PAOX: variants seen among roughly 807,000 people sequenced by gnomAD.
The protein encoded by PAOX is peroxisomal N(1)-acetyl-spermine/spermidine oxidase.
A neutral mutation model predicts 39.0 loss-of-function variants in PAOX; 38 were observed. The observed-to-expected ratio is 0.97, with a 90% CI of 0.75 to 1.28. The LOEUF (loss-of-function observed/expected upper bound fraction) is 1.28. PAOX is among the 50% of genes most tolerant of loss of function. The pLI is 0.00. For synonymous variants in PAOX, 311 were observed against 314.4 expected, an observed-to-expected ratio of 0.99 and a Z score of 0.11; for missense variants, 667 against 685.7, an observed-to-expected ratio of 0.97 and a Z score of 0.30.
intron 3 of PAOX, 97 bp from the exon 4 acceptor site, chr10:133,383,863 C>T: frequency 6.9e-7 from 1 of 1,438,908 alleles, no homozygotes; most frequent in Non-Finnish European, 9.4e-7. Context: ...GTAGGATAAA[C>T]ACCAGCAGGG....
rs1849487212 is a variant in PAOX, at chr10:133,384,656, T to G, written c.1121+444T>G. Among the ~76,000 whole-genome samples the G allele has an allele frequency of 6.6e-6, 1 of 152,216 alleles. No homozygotes were observed. Among genetic ancestry groups the G allele is most frequent in the South Asian group, 2.1e-4 (1 of 4,830 alleles). ...CCCACAGAGGAAGGGCTCCCTTGTA[T>G]GGGCTGGCCCTCTTAGAAACAGCAT... On this transcript the variant is annotated intron_variant, in intron 4 of 6. Transcript: ENST00000278060. This position sits in a 1 kb window ranked among gnomAD's most constrained non-coding sequence, Gnocchi z 4.3.
At chr10:133,379,931 A>T (rs1433229278) in intron 1 of PAOX, 68 bp from the exon 2 acceptor site, 1 of 1,495,072 alleles carries the variant, frequency 6.7e-7, no homozygotes, top group African/African-American at 1.4e-5. Flanking sequence ...GGCGTGGCCC[A>T]GGAGAAGGGC....
rs1366743893 is a variant in PAOX, at chr10:133,391,209, T to C, written c.1393-103T>C. 13 of 1,211,146 alleles carry C rather than the reference T, an allele frequency of 1.1e-5. No homozygotes were observed. In the East Asian group the frequency reaches 2.3e-4, roughly 22 times the overall value. 75.0% of individuals were successfully genotyped at this position (1,211,146 alleles called of 1,614,324 possible). On this transcript the variant is annotated intron_variant, in intron 6 of 6. Transcript: ENST00000278060. ...GTTGGTGGAGGTGTGTGAGCTGTTTTCCTGCTTCTTGGTGGATGCTTGTGA... is the reference window on the plus strand; with the variant it reads ...GTTGGTGGAGGTGTGTGAGCTGTTTCCCTGCTTCTTGGTGGATGCTTGTGA...
intron 5 of PAOX, 39 bp downstream of exon 5, chr10:133,389,107 C>A: frequency 3.4e-6 from 5 of 1,468,152 alleles, no homozygotes; most frequent in South Asian, 1.1e-5. Context: ...TGCCTCTGCT[C>A]GTTACTGGTT....
chr10:133,388,618 C>T (rs934890551), intron 4 of PAOX, among the ~76,000 whole-genome samples: 1 of 152,222 alleles, frequency 6.6e-6, no homozygotes, highest in Non-Finnish European at 1.5e-5. Flanking sequence ...GTGGAAACAG[C>T]AAATGCTGTC....
At chr10:133,388,690 C>T (rs905543085) in intron 4 of PAOX, among the ~76,000 whole-genome samples, 1 of 152,240 alleles carries the variant, frequency 6.6e-6, no homozygotes, top group Non-Finnish European at 1.5e-5. Context: ...ACCCCCAGGA[C>T]TTTGCCGCCC....
chr10:133,383,975 A>G lies in PAOX; in HGVS notation c.884A>G (p.His295Arg), dbSNP rs968368295. The G allele has an allele frequency of 1.2e-6, 2 of 1,613,932 alleles. No individual in the cohort carries two copies. The highest frequency in any genetic ancestry group is 1.7e-6 in the Non-Finnish European group (2 of 1,179,854). The change falls in exon 4 of 7, where the codon CAT (histidine) becomes CGT (arginine). Residue 295 changes from histidine (H) to arginine (R), a missense_variant. Coordinates refer to ENST00000278060, the MANE Select transcript of PAOX (RefSeq NM_152911.4). Reference protein sequence around the residue: ...VTVPLGFLREHLDTFFDPPLP... With the variant: ...VTVPLGFLRERLDTFFDPPLP... ...TGAATTCCAGGTTTTCTTAGGGAAC[A>G]TTTGGACACCTTCTTTGACCCTCCC...
rs181475041 is a variant in PAOX, at chr10:133,389,075, A to G, written c.1234+7A>G. The G allele has an allele frequency of 6.3e-7, 1 of 1,592,746 alleles. No homozygotes were observed. The highest frequency in any genetic ancestry group is 1.1e-5 in the South Asian group (1 of 90,654). ...GTGCTCCGGAGAGTGACAGGTAGGT[A>G]CTCACCACACACGCTGGTTCCTGCC... is the stretch of plus-strand genomic sequence containing the variant. On this transcript the variant is annotated splice_region_variant and intron_variant, in intron 5 of 6. Coordinates refer to ENST00000278060, the MANE Select transcript of PAOX (RefSeq NM_152911.4).
At chr10:133,382,316 G>C (rs2185744) in intron 3 of PAOX, among the ~76,000 whole-genome samples, 127,051 of 151,796 alleles carry the variant, frequency 0.84, 54,590 homozygotes, top group East Asian at 0.97. Flanking sequence ...GCTAGCGATT[G>C]CCAGCACTCA....
intron 4 of PAOX, among the ~76,000 whole-genome samples, chr10:133,385,272 G>A (rs1849500339): frequency 6.6e-6 from 1 of 152,036 alleles, no homozygotes; most frequent in African/African-American, 2.4e-5. Flanking sequence ...CTCCAGCCTT[G>A]GCAACAAGAG....
chr10:133,389,783 C>T (rs368969711), intron 6 of PAOX, 36 bp downstream of exon 6: 214 of 1,427,728 alleles, frequency 1.5e-4, no homozygotes, highest in Admixed American at 2.6e-4. Context: ...GCGTGGGTCC[C>T]GCTGCAGAGG....
rs1041251892 is a variant in PAOX, at chr10:133,380,474, C to A, written c.657C>A (p.Cys219Ter). The change falls in exon 2 of 7, where the codon TGC (cysteine) becomes TGA (stop). Residue 219 changes from cysteine to a stop codon, truncating the protein, a stop_gained. Coordinates refer to ENST00000278060, the MANE Select transcript of PAOX (RefSeq NM_152911.4). LOFTEE classifies it high-confidence loss of function. ...GEYTVLPGLD[C>*]TFSKGYQGLT... ...ATACCGTGCTGCCGGGGCTGGACTG[C>A]ACCTTTTCTAAGTGCGTGCCTGAGC... is the stretch of plus-strand genomic sequence containing the variant. 4 of 1,607,276 alleles carry A rather than the reference C, an allele frequency of 2.5e-6. No homozygotes were observed. Among genetic ancestry groups the A allele is most frequent in the Non-Finnish European group, 3.4e-6 (4 of 1,178,846 alleles).
rs1849311503 is a variant in PAOX at position 133,380,021 on chromosome 10, G to C, written c.204G>C (p.Ala68=). 1 of 1,515,634 alleles carries C rather than the reference G, an allele frequency of 6.6e-7. No homozygotes were observed. Among genetic ancestry groups the C allele is most frequent in the South Asian group, 1.3e-5 (1 of 75,402 alleles). 93.9% of individuals were successfully genotyped at this position (1,515,634 alleles called of 1,614,324 possible). The change falls in exon 2 of 7, where the codon GCG becomes GCC. Residue 68 remains alanine, a synonymous_variant. Coordinates refer to ENST00000278060, the MANE Select transcript of PAOX (RefSeq NM_152911.4). ...CAGGTGGCGTGGTGGAGGTGGGCGC[G>C]CACTGGATCCATGGGCCCTCCCGGG... ...RCFGGVVEVG[A]HWIHGPSRGN... is the part of the protein sequence containing the mutation.
rs557064612 is a variant in PAOX at position 133,384,561 on chromosome 10, G to T, written c.1121+349G>T. Among the ~76,000 whole-genome samples, 2 of 152,188 alleles carry T rather than the reference G, an allele frequency of 1.3e-5. No individual in the cohort carries two copies. The highest frequency in any genetic ancestry group is 6.5e-5 in the Admixed American group (1 of 15,278). Reference sequence around the variant, plus strand: ...ACTTTGAAACACCATCTGCCCATACGTGGGGAGACAATACTTAAATGGGAT... The same window carrying T: ...ACTTTGAAACACCATCTGCCCATACTTGGGGAGACAATACTTAAATGGGAT... On this transcript the variant is annotated intron_variant, in intron 4 of 6. Coordinates refer to ENST00000278060, the MANE Select transcript of PAOX (RefSeq NM_152911.4). This position sits in a 1 kb window ranked among gnomAD's most constrained non-coding sequence, Gnocchi z 4.3.
At chr10:133,380,633 A>T in intron 2 of PAOX, 148 bp downstream of exon 2, 1 of 1,217,112 alleles carries the variant, frequency 8.2e-7, no homozygotes, top group South Asian at 1.6e-5. Flanking sequence ...TCCTTTCCCT[A>T]GTTTTGCTCA....
Position 133,384,287 on chromosome 10 carries a change from G to A in PAOX, c.1121+75G>A. 1.9e-6 allele frequency: 3 copies of A among 1,562,386 alleles called. No homozygotes were observed. The highest frequency in any genetic ancestry group is 2.6e-6 in the Non-Finnish European group (3 of 1,148,382). On this transcript the variant is annotated intron_variant, in intron 4 of 6. Transcript: ENST00000278060. The surrounding 1 kb of genome is among the most constrained non-coding windows in gnomAD (Gnocchi z 4.3). ...CATCTGATGGAGGACGCAGCAGTGT[G>A]TCTGTTCACTGCAGGGTATTTCTAG... is the stretch of plus-strand genomic sequence containing the variant.
intron 4 of PAOX, among the ~76,000 whole-genome samples, chr10:133,385,208 A>G (rs1849499214): frequency 6.6e-6 from 1 of 152,148 alleles, no homozygotes; most frequent in African/African-American, 2.4e-5. Flanking sequence ...AGGCAGGACA[A>G]TCGCTTGAAC....
At chr10:133,385,932 T>A (rs961028565) in intron 4 of PAOX, among the ~76,000 whole-genome samples, 3 of 152,142 alleles carry the variant, frequency 2.0e-5, no homozygotes, top group African/African-American at 7.2e-5. Context: ...ACAAACCTAT[T>A]CTATGTTAGC....
rs1035808162 is a variant in PAOX, at chr10:133,379,473, C to T, written c.157C>T (p.Arg53Cys). The change falls in exon 1 of 7, where the codon CGC becomes TGC. Residue 53 changes from arginine (R) to cysteine (C), a missense_variant. Physicochemically the swap from Arg to Cys is radical, Grantham distance 180 (BLOSUM62 -3). Transcript: ENST00000278060. ...GGAGGCCACGGCCCGCGCCGGGGGC[C>T]GCATCCGCTCGGAGCGCTGCTTCGG... ...VLEATARAGG[R>C]IRSERCFGGV... is the part of the protein sequence containing the mutation. 2 of 1,225,530 alleles carry T rather than the reference C, an allele frequency of 1.6e-6. No homozygotes were observed. Among genetic ancestry groups the T allele is most frequent in the African/African-American group, 1.6e-5 (1 of 64,000 alleles). The allele number at this position is 1,225,530 out of a possible 1,614,324, so 75.9% of individuals were successfully genotyped here. A position where few individuals can be genotyped will look rare whatever the true frequency, so the allele number is the denominator to read the frequency against.
Sources: allele counts gnomAD v4.1 joint callset (sites outside exome capture counted in the v4.1 genomes callset), GRCh38; gene constraint gnomAD v4.1.1; non-coding constraint Gnocchi (gnomAD v3.1); transcripts MANE v1.5; gene names NCBI Gene and HGNC (gene_info 2026-07-23, HGNC 2026-07-21).